Variants in ALK observed in about 807,000 individuals in gnomAD.
ALK encodes ALK tyrosine kinase receptor.
Under a neutral mutation model 163.1 loss-of-function variants are expected in ALK, and 74 were observed. The observed-to-expected ratio is 0.45, with a 90% CI of 0.38 to 0.55. ALK has a LOEUF of 0.55. ALK is among the 20% of genes least tolerant of loss of function. The probability of loss-of-function intolerance (pLI) is 0.00; values close to 1 mark genes in which losing one functional copy is unlikely to be tolerated. For synonymous variants in ALK, 960 were observed against 843.2 expected, an observed-to-expected ratio of 1.14 and a Z score of -2.40; for missense variants, 2,063 against 2,105.3, an observed-to-expected ratio of 0.98 and a Z score of 0.39.
At chr2:29,774,105 G>C (rs1681104189) in intron 1 of ALK, among the ~76,000 whole-genome samples, 3 of 152,172 alleles carry the variant, frequency 2.0e-5, no homozygotes, top group Admixed American at 2.0e-4. Flanking sequence ...AAACGGTCCA[G>C]GTTGGCATTT....
intron 1 of ALK, among the ~76,000 whole-genome samples, chr2:29,782,786 G>T (rs1323248054): frequency 6.6e-6 from 1 of 152,204 alleles, no homozygotes; most frequent in Non-Finnish European, 1.5e-5. Flanking sequence ...CCCAGAGCCA[G>T]CCTTCTGTGT....
chr2:29,245,955 A>C lies in ALK; in HGVS notation c.2204+5150T>G, dbSNP rs113829022. Among the ~76,000 whole-genome samples, 703 of 152,300 alleles carry C rather than the reference A, an allele frequency of 4.6e-3. 2 individuals carry two copies. The highest frequency in any genetic ancestry group is 7.0e-3 in the Non-Finnish European group (475 of 68,018). On this transcript the variant is annotated intron_variant, in intron 12 of 28. Coordinates refer to ENST00000389048, the MANE Select transcript of ALK (RefSeq NM_004304.5). ...CGCTGGTGCCCCAGGTGAGGAAATG[A>C]GTGTCATTGACAGAGACCATCAGGA...
intron 1 of ALK, among the ~76,000 whole-genome samples, chr2:29,833,982 G>C (rs147167746): frequency 6.6e-6 from 1 of 152,278 alleles, no homozygotes; most frequent in South Asian, 2.1e-4. Context: ...TCAAGCCAGG[G>C]AGCACAGTTT....
intron 7 of ALK, among the ~76,000 whole-genome samples, chr2:29,320,005 C>T (rs767450857): frequency 6.6e-6 from 1 of 152,232 alleles, no homozygotes. Flanking sequence ...GGTCCCACCA[C>T]TAGGGACAGC....
chr2:29,262,942 C>T (rs1386639618), intron 11 of ALK, among the ~76,000 whole-genome samples: 1 of 152,212 alleles, frequency 6.6e-6, no homozygotes, highest in African/African-American at 2.4e-5. Context: ...AAAAACACTA[C>T]CCTGAAAGCA....
intron 3 of ALK, among the ~76,000 whole-genome samples, chr2:29,663,663 A>G (rs989347471): frequency 6.6e-6 from 1 of 152,184 alleles, no homozygotes; most frequent in Non-Finnish European, 1.5e-5. Flanking sequence ...TGAATCAGGC[A>G]ATATTTTCAA....
intron 15 of ALK, among the ~76,000 whole-genome samples, chr2:29,229,637 C>T (rs544805561): frequency 2.6e-5 from 4 of 152,324 alleles, no homozygotes; most frequent in South Asian, 2.1e-4. Flanking sequence ...GTTTCCTCAC[C>T]TGTGGCTTGG....
At chr2:29,347,214 A>G (rs1391150230) in intron 5 of ALK, among the ~76,000 whole-genome samples, 2 of 152,210 alleles carry the variant, frequency 1.3e-5, no homozygotes, top group Admixed American at 6.5e-5. Flanking sequence ...CCTGGCTGCC[A>G]GTTCAGGGCT....
chr2:29,419,257 G>A (rs1669959377), intron 4 of ALK, among the ~76,000 whole-genome samples: 3 of 151,326 alleles, frequency 2.0e-5, no homozygotes, highest in Admixed American at 1.3e-4. Context: ...GTTTCACCAT[G>A]TTGGCCAGTC....
chr2:29,318,567 T>A (rs964613216), intron 7 of ALK, among the ~76,000 whole-genome samples, 163 bp from the exon 8 acceptor site: 2 of 148,388 alleles, frequency 1.3e-5, no homozygotes, highest in African/African-American at 5.0e-5. Flanking sequence ...TGTCAACAAT[T>A]TCTTTTTTTT....
rs58918857 is a variant in ALK, at chr2:29,776,225, TAAAAAAA to T, written c.668-58535_668-58529del. 9.2e-3 allele frequency among the ~76,000 whole-genome samples: 1,202 copies of T among 131,218 alleles called. 11 individuals carry two copies. Among genetic ancestry groups the T allele is most frequent in the African/African-American group, 0.016 (540 of 33,648 alleles). The allele number at this position is 131,218 out of a possible 152,430, so 86.1% of individuals were successfully genotyped here. ...CTAAGAAAATGCAATGGAATTTTGT[TAAAAAAA>T]AAAAAAAAAAAAAAAAAAGAAGCTT... On this transcript the variant is annotated intron_variant, in intron 1 of 28. Coordinates refer to ENST00000389048, the MANE Select transcript of ALK (RefSeq NM_004304.5).
rs575917278 is a variant in ALK at position 29,393,847 on chromosome 2, G to A, written c.1155-9988C>T. On this transcript the variant is annotated intron_variant, in intron 4 of 28. Transcript: ENST00000389048. Reference sequence around the variant, plus strand: ...GGAGAACATTTGAATACTTTGGAAAGACTGGTAGCTGGTGAGTCACCACAA... The same window carrying A: ...GGAGAACATTTGAATACTTTGGAAAAACTGGTAGCTGGTGAGTCACCACAA... 2.6e-5 allele frequency among the ~76,000 whole-genome samples: 4 copies of A among 152,322 alleles called. No homozygotes were observed. The South Asian group carries it at 6.2e-4, about 24-fold the overall frequency.
Position 29,501,239 on chromosome 2 carries a change from C to T in ALK, c.1154+30676G>A, listed in dbSNP as rs148361590. On this transcript the variant is annotated intron_variant, in intron 4 of 28. Coordinates refer to ENST00000389048, the MANE Select transcript of ALK (RefSeq NM_004304.5). ...TTCTTTCAAGTCCCCACCATCATTC[C>T]CCTTCCTTCACTACTGAATGTCAAT... 5.3e-3 allele frequency among the ~76,000 whole-genome samples: 803 copies of T among 152,256 alleles called. 12 individuals are homozygous for T. The highest frequency in any genetic ancestry group is 0.017 in the African/African-American group (720 of 41,556).
chr2:29,696,163 AG>A (rs1678555481), intron 2 of ALK, among the ~76,000 whole-genome samples: 1 of 152,242 alleles, frequency 6.6e-6, no homozygotes, highest in African/African-American at 2.4e-5. Context: ...GACTGGATAA[AG>A]AAAATGTGGC....
At position 29,246,425 on chromosome 2, in the gene ALK, T is replaced by C. The variant is rs1664671503; in HGVS notation, c.2204+4680A>G. Among the ~76,000 whole-genome samples, 1 of 152,048 alleles carries C rather than the reference T, an allele frequency of 6.6e-6. No homozygotes were observed. Among genetic ancestry groups the C allele is most frequent in the African/African-American group, 2.4e-5 (1 of 41,392 alleles). On this transcript the variant is annotated intron_variant, in intron 12 of 28. Coordinates refer to ENST00000389048, the MANE Select transcript of ALK (RefSeq NM_004304.5). This position sits in a 1 kb window ranked among gnomAD's most constrained non-coding sequence, Gnocchi z 4.3. ...CCCCTCCCCAGCACAAACCCCATAA[T>C]CCACGTTCTTCTCATGGCACTGCAG...
chr2:29,802,586 A>AGGG (rs1558495034), intron 1 of ALK, among the ~76,000 whole-genome samples: 1 of 9,784 alleles, frequency 1.0e-4, no homozygotes, highest in Non-Finnish European at 2.8e-4. Flanking sequence ...GGGGAGGGGA[A>AGGG]GAGAGGGGAG....
At chr2:29,648,876 T>C (rs1410665057) in intron 3 of ALK, among the ~76,000 whole-genome samples, 1 of 152,190 alleles carries the variant, frequency 6.6e-6, no homozygotes, top group Non-Finnish European at 1.5e-5. Flanking sequence ...AGACTTTGCA[T>C]GTGTAAAAAA....
intron 3 of ALK, among the ~76,000 whole-genome samples, chr2:29,620,291 T>C (rs1403723456): frequency 2.0e-5 from 3 of 152,034 alleles, no homozygotes; most frequent in African/African-American, 4.8e-5. Flanking sequence ...TTCTCCCTGG[T>C]TTACAGATGG....
intron 3 of ALK, among the ~76,000 whole-genome samples, chr2:29,645,433 C>T (rs1022434417): frequency 6.6e-6 from 1 of 152,156 alleles, no homozygotes; most frequent in African/African-American, 2.4e-5. Context: ...CCCGCATTTT[C>T]ACCCACATTT....
Sources: gnomAD v4.1 joint callset for allele counts (sites outside exome capture counted in the v4.1 genomes callset) on GRCh38, gnomAD v4.1.1 for gene constraint, Gnocchi (gnomAD v3.1) non-coding constraint, MANE v1.5 for transcripts, NCBI Gene and HGNC (gene_info 2026-07-23, HGNC 2026-07-21) for gene names.